Variants in SYT1 observed in about 807,000 individuals in gnomAD.
SYT1 encodes the protein synaptotagmin-1.
In SYT1, 8 loss-of-function variants were observed where a neutral mutation model predicts 44.8. That is an observed-to-expected ratio of 0.18 (90% CI 0.10 to 0.32). SYT1 has a LOEUF of 0.32. Among genes scored for constraint, SYT1 ranks in the 10% least tolerant of loss-of-function variants. The probability of loss-of-function intolerance (pLI) is 1.00; values close to 1 mark genes in which losing one functional copy is unlikely to be tolerated. For missense variants in SYT1, 286 were observed against 509.3 expected, an observed-to-expected ratio of 0.56 and a Z score of 4.22; for synonymous variants, 154 against 188.8, an observed-to-expected ratio of 0.82 and a Z score of 1.51.
intron 2 of SYT1, among the ~76,000 whole-genome samples, chr12:78,989,995 C>T (rs1869911299): frequency 6.6e-6 from 1 of 152,062 alleles, no homozygotes; most frequent in Non-Finnish European, 1.5e-5. Flanking sequence ...ATAGACAGAC[C>T]TGTTGAATCA....
intron 3 of SYT1, among the ~76,000 whole-genome samples, chr12:79,130,638 A>G (rs77205484): frequency 6.6e-6 from 1 of 152,148 alleles, no homozygotes; most frequent in African/African-American, 2.4e-5. Context: ...TCTAACTTCA[A>G]CCCATTATGT....
intron 9 of SYT1, among the ~76,000 whole-genome samples, chr12:79,414,927 T>C (rs1003935706): frequency 3.9e-5 from 6 of 152,146 alleles, no homozygotes; most frequent in African/African-American, 1.4e-4. Flanking sequence ...AATATAGTGA[T>C]GTGCAAAACA....
At chr12:78,901,604 A>C (rs1464320795) in intron 1 of SYT1, among the ~76,000 whole-genome samples, 1 of 152,164 alleles carries the variant, frequency 6.6e-6, no homozygotes, top group Non-Finnish European at 1.5e-5. Flanking sequence ...CTAGTAACAC[A>C]AGTGTAAATT....
intron 8 of SYT1, among the ~76,000 whole-genome samples, chr12:79,310,890 G>T (rs1381933436): frequency 6.6e-6 from 1 of 152,178 alleles, no homozygotes; most frequent in Admixed American, 6.5e-5. Flanking sequence ...TGCTGAAGTT[G>T]CTTATCAGCT....
intron 1 of SYT1, among the ~76,000 whole-genome samples, chr12:78,883,690 A>C (rs999646167): frequency 1.9e-4 from 29 of 151,718 alleles, no homozygotes; most frequent in African/African-American, 7.0e-4. Flanking sequence ...AGCCAATGTT[A>C]CCTATCTCTG....
chr12:78,878,510 C>G (rs1874291556), intron 1 of SYT1, among the ~76,000 whole-genome samples: 1 of 151,736 alleles, frequency 6.6e-6, no homozygotes, highest in Non-Finnish European at 1.5e-5. Context: ...TTTGTTTACT[C>G]TCATAGTGGT....
At chr12:79,123,894 A>G (rs1363233812) in intron 3 of SYT1, among the ~76,000 whole-genome samples, 1 of 152,208 alleles carries the variant, frequency 6.6e-6, no homozygotes. Context: ...CCTTAAGTGA[A>G]GAGGAGGCTA....
intron 3 of SYT1, among the ~76,000 whole-genome samples, chr12:79,111,179 AT>A (rs1373231496): frequency 6.6e-6 from 1 of 152,162 alleles, no homozygotes; most frequent in Non-Finnish European, 1.5e-5. Flanking sequence ...CTAGCGCAGT[AT>A]TTGTAATAAA....
chr12:78,883,130 A>C lies in SYT1; in HGVS notation c.-217+18021A>C, dbSNP rs200836036. Among the ~76,000 whole-genome samples the C allele has an allele frequency of 3.3e-5, 5 of 151,888 alleles. No homozygotes were observed. The East Asian group carries it at 9.7e-4, about 29-fold the overall frequency. On this transcript the variant is annotated intron_variant, in intron 1 of 10. Coordinates refer to ENST00000261205, the MANE Select transcript of SYT1 (RefSeq NM_005639.3). ...TGAGATTCTATGTGTGTATTTCTGT[A>C]ATTTCTTCGAACAGTAATACACTAA...
chr12:79,075,002 G>A (rs184240051), intron 3 of SYT1, among the ~76,000 whole-genome samples: 16 of 152,132 alleles, frequency 1.1e-4, no homozygotes, highest in East Asian at 3.9e-4. Flanking sequence ...AAATATCATC[G>A]TAAATACCCT....
chr12:79,105,899 AAAG>A (rs199707235), intron 3 of SYT1, among the ~76,000 whole-genome samples: 4 of 151,886 alleles, frequency 2.6e-5, no homozygotes, highest in Non-Finnish European at 4.4e-5. Flanking sequence ...AAAAAAAAAA[AAAG>A]GCAATTTAAT....
intron 3 of SYT1, among the ~76,000 whole-genome samples, chr12:79,179,480 GAT>G (rs1246995400): frequency 2.5e-5 from 2 of 80,256 alleles, no homozygotes; most frequent in Non-Finnish European, 2.5e-5. Flanking sequence ...TAGATATAGA[GAT>G]ATAGATATAT....
At chr12:79,130,008 G>A (rs567114571) in intron 3 of SYT1, among the ~76,000 whole-genome samples, 1 of 152,166 alleles carries the variant, frequency 6.6e-6, no homozygotes, top group Non-Finnish European at 1.5e-5. Flanking sequence ...TAGATTAAAA[G>A]TTTGCAGATC....
chr12:79,379,120 T>C (rs1884116628), intron 9 of SYT1, among the ~76,000 whole-genome samples: 1 of 152,132 alleles, frequency 6.6e-6, no homozygotes, highest in Admixed American at 6.5e-5. Context: ...TTTTGAGAAT[T>C]TCCATCCTCA....
At chr12:78,880,088 A>C (rs951643963) in intron 1 of SYT1, among the ~76,000 whole-genome samples, 12 of 151,740 alleles carry the variant, frequency 7.9e-5, no homozygotes, top group African/African-American at 2.9e-4. Context: ...ATTTATCATT[A>C]TATATGATTA....
intron 9 of SYT1, among the ~76,000 whole-genome samples, chr12:79,397,960 T>G (rs1437527121): frequency 1.3e-5 from 2 of 152,202 alleles, no homozygotes; most frequent in Admixed American, 6.5e-5. Context: ...TGGTGCAGCT[T>G]TTTAGTCTTG....
intron 2 of SYT1, among the ~76,000 whole-genome samples, chr12:79,012,063 C>T (rs774046268): frequency 1.4e-5 from 2 of 144,288 alleles, no homozygotes; most frequent in South Asian, 2.2e-4. Context: ...ATCCAGGAGG[C>T]GGGAGCAGTA....
chr12:79,234,289 T>C (rs1362031355), intron 4 of SYT1, among the ~76,000 whole-genome samples: 1 of 152,236 alleles, frequency 6.6e-6, no homozygotes, highest in Admixed American at 6.5e-5. Flanking sequence ...ATTAACTTTA[T>C]TGAAGAATGG....
chr12:79,105,485 C>T (rs77143482), intron 3 of SYT1, among the ~76,000 whole-genome samples: 1,587 of 152,244 alleles, frequency 0.01, 20 homozygotes, highest in Middle Eastern at 0.071. Context: ...AGGAGAAAAT[C>T]CTTGCACTCC....
Sources: allele counts gnomAD v4.1 joint callset (sites outside exome capture counted in the v4.1 genomes callset), GRCh38; gene constraint gnomAD v4.1.1; transcripts MANE v1.5; gene names NCBI Gene and HGNC (gene_info 2026-07-23, HGNC 2026-07-21).